Variants in PREPL observed in about 807,000 individuals in gnomAD.
PREPL encodes the protein prolyl endopeptidase like.
PREPL carries 77 observed loss-of-function variants against 70.6 expected under a neutral mutation model. That is an observed-to-expected ratio of 1.09 (90% CI 0.91 to 1.32). The LOEUF (loss-of-function observed/expected upper bound fraction) is 1.32. PREPL is among the 40% of genes most tolerant of loss of function. The pLI, the probability that PREPL is intolerant of heterozygous loss-of-function variation, is 0.00. For synonymous variants in PREPL, 315 were observed against 264.8 expected, an observed-to-expected ratio of 1.19 and a Z score of -1.84; for missense variants, 1,002 against 778.2, an observed-to-expected ratio of 1.29 and a Z score of -3.42.
chr2:44,345,316 G>A (rs1206874276), intron 2 of PREPL, among the ~76,000 whole-genome samples: 1 of 151,624 alleles, frequency 6.6e-6, no homozygotes, highest in Non-Finnish European at 1.5e-5. Flanking sequence ...CACCTATTGC[G>A]GTTCAATTTT....
At chr2:44,329,962 T>C (rs534760137) in intron 8 of PREPL, among the ~76,000 whole-genome samples, 74 of 152,306 alleles carry the variant, frequency 4.9e-4, no homozygotes, top group African/African-American at 1.7e-3. Context: ...TCCAAGTCAC[T>C]CTTCATATTT....
At chr2:44,325,773 A>C (rs968307178) in intron 10 of PREPL, among the ~76,000 whole-genome samples, 1 of 152,162 alleles carries the variant, frequency 6.6e-6, no homozygotes, top group Non-Finnish European at 1.5e-5. Context: ...CCCCAACCTC[A>C]AAATAAAAAA....
chr2:44,337,667 C>CTA (rs1674773745), intron 7 of PREPL, among the ~76,000 whole-genome samples: 2 of 152,290 alleles, frequency 1.3e-5, no homozygotes, highest in South Asian at 4.1e-4. Flanking sequence ...CCTCAACTCA[C>CTA]ATGTTAATGC....
chr2:44,346,934 CT>C (rs947773853), intron 1 of PREPL, among the ~76,000 whole-genome samples: 3 of 152,188 alleles, frequency 2.0e-5, no homozygotes, highest in Non-Finnish European at 2.9e-5. Context: ...TAATTTTTTA[CT>C]TTTTAAATTT....
At chr2:44,349,451 A>G (rs1676169230) in intron 1 of PREPL, among the ~76,000 whole-genome samples, 1 of 152,220 alleles carries the variant, frequency 6.6e-6, no homozygotes, top group South Asian at 2.1e-4. Flanking sequence ...TAAATAATAC[A>G]TTGAAAAAAC....
chr2:44,335,800 G>T (rs2103879625), intron 7 of PREPL, among the ~76,000 whole-genome samples: 1 of 151,162 alleles, frequency 6.6e-6, no homozygotes, highest in South Asian at 2.1e-4. Context: ...ATCTGACAAA[G>T]ATCTAGTATC....
intron 1 of PREPL, chr2:44,359,678 T>C: frequency 6.2e-7 from 1 of 1,613,274 alleles, no homozygotes; most frequent in East Asian, 2.2e-5. Flanking sequence ...AATACTATAC[T>C]TCAAAGCTTG....
At chr2:44,336,383 C>T (rs1674641648) in intron 7 of PREPL, among the ~76,000 whole-genome samples, 1 of 152,096 alleles carries the variant, frequency 6.6e-6, no homozygotes, top group Admixed American at 6.5e-5. Context: ...ATGTTCTTTG[C>T]AGCAACATGG....
Position 44,320,240 on chromosome 2 carries a change from A to G in PREPL, c.*1116T>C, listed in dbSNP as rs1251194565. On this transcript the variant is annotated 3_prime_UTR_variant, in exon 14 of 14. Transcript: ENST00000409411. ...CCAGATCGGCTTTGAAGTTATATCAAGATTTAAGTCTACTTCATGCCAATG... is the reference window on the plus strand; with the variant it reads ...CCAGATCGGCTTTGAAGTTATATCAGGATTTAAGTCTACTTCATGCCAATG... The G allele has an allele frequency of 1.9e-6, 3 of 1,613,940 alleles. No homozygotes were observed. Among genetic ancestry groups the G allele is most frequent in the African/African-American group, 2.7e-5 (2 of 74,940 alleles).
intron 1 of PREPL, chr2:44,360,617 A>C (rs971515484): frequency 4.6e-5 from 7 of 152,136 alleles, no homozygotes; most frequent in Non-Finnish European, 1.0e-4. Context: ...AGTCAGAGAG[A>C]CCTGGGTTGA....
In PREPL at chr2:44,320,445, T is replaced by A. The variant is rs1044014948; in HGVS notation, c.*911A>T. 1.9e-6 allele frequency: 3 copies of A among 1,614,014 alleles called. No individual in the cohort carries two copies. The highest frequency in any genetic ancestry group is 2.7e-5 in the African/African-American group (2 of 74,930). On this transcript the variant is annotated 3_prime_UTR_variant, in exon 14 of 14. Transcript: ENST00000409411. ...CCTTCCCGCTAAAATGAGAATAAGG[T>A]TAAGTACCAATTCTGCCGACAAAGG...
In PREPL at chr2:44,343,793, T is replaced by C. The variant is rs779895293; in HGVS notation, c.301A>G (p.Ser101Gly). 1.9e-6 allele frequency: 3 copies of C among 1,614,028 alleles called. No homozygotes were observed. Among genetic ancestry groups the C allele is most frequent in the Non-Finnish European group, 2.5e-6 (3 of 1,179,886 alleles). ...GAAGCTTCCATTACGGGCTGATCGC[T>C]GAGCTTTATAATTACACAGGTAGAT... ...EASTCVIIKL[S>G]DQPVMEASFP... The change falls in exon 4 of 14, where the codon AGC becomes GGC. Residue 101 changes from serine (S) to glycine (G), a missense_variant. Physicochemically the swap from Ser to Gly is moderately conservative, Grantham distance 56. Transcript: ENST00000409411.
intron 7 of PREPL, among the ~76,000 whole-genome samples, chr2:44,335,273 A>AC (rs1272783913): frequency 6.6e-6 from 1 of 152,244 alleles, no homozygotes; most frequent in Non-Finnish European, 1.5e-5. Flanking sequence ...TACAAAAAAT[A>AC]TAAAAGGTCA....
rs376256364 is a variant in PREPL, at chr2:44,320,417, G to C, written c.*939C>G. 4.3e-6 allele frequency: 7 copies of C among 1,613,942 alleles called. No individual in the cohort carries two copies. In the Admixed American group the frequency reaches 5.0e-5, roughly 12 times the overall value. On this transcript the variant is annotated 3_prime_UTR_variant, in exon 14 of 14. Coordinates refer to ENST00000409411, the MANE Select transcript of PREPL (RefSeq NM_001171613.2). ...TGTTAAATCTACATAATATGATTTCGGGCCTTCCCGCTAAAATGAGAATAA... is the reference window on the plus strand; with the variant it reads ...TGTTAAATCTACATAATATGATTTCCGGCCTTCCCGCTAAAATGAGAATAA...
chr2:44,347,252 C>T (rs937385921), intron 1 of PREPL: 1 of 152,220 alleles, frequency 6.6e-6, no homozygotes, highest in Non-Finnish European at 1.5e-5. Flanking sequence ...GGAGGGATCA[C>T]CTGAGCCCAG....
Position 44,317,827 on chromosome 2 carries a change from AAAT to A in PREPL, c.*3526_*3528del, listed in dbSNP as rs1215577445. On this transcript the variant is annotated 3_prime_UTR_variant, in exon 14 of 14. Transcript: ENST00000409411. ...AAAATAGGGCTTCCGAATTATGTCT[AAAT>A]AATACAATAATTACAAATATGAATG... The A allele has an allele frequency of 6.0e-6, 1 of 167,786 alleles. No homozygotes were observed. Among genetic ancestry groups the A allele is most frequent in the Non-Finnish European group, 1.3e-5 (1 of 77,282 alleles). The allele number at this position is 167,786 out of a possible 1,614,324, so 10.4% of individuals were successfully genotyped here. A position where few individuals can be genotyped will look rare whatever the true frequency, so the allele number is the denominator to read the frequency against.
intron 1 of PREPL, among the ~76,000 whole-genome samples, chr2:44,359,111 C>A (rs1458100402): frequency 6.9e-6 from 1 of 144,918 alleles, no homozygotes; most frequent in African/African-American, 2.6e-5. Flanking sequence ...CCCTGTCACC[C>A]AGGCTGGAGT....
In PREPL at chr2:44,332,555, T is replaced by C. The variant is rs1252859986; in HGVS notation, c.990A>G (p.Thr330=). ...ACAGTTTGCCTTCTGCAAACTTGTA[T>C]GTGTAATATTTTGGGGGACGTATTG... The part of the protein sequence containing the change: ...CSPIRPPKYY[T]YKFAEGKLFE... Residue 330 remains threonine, a synonymous_variant, in exon 8 of 14, where the codon ACA becomes ACG. Transcript: ENST00000409411. 2 of 1,613,678 alleles carry C rather than the reference T, an allele frequency of 1.2e-6. No individual in the cohort carries two copies. The highest frequency in any genetic ancestry group is 1.3e-5 in the African/African-American group (1 of 74,926).
rs1672748751 is a variant in PREPL at position 44,319,581 on chromosome 2, A to G, written c.*1775T>C. 1 of 152,606 alleles carries G rather than the reference A, an allele frequency of 6.6e-6. No homozygotes were observed. Among genetic ancestry groups the G allele is most frequent in the South Asian group, 2.1e-4 (1 of 4,842 alleles). The allele number at this position is 152,606 out of a possible 1,614,324, so 9.5% of individuals were successfully genotyped here. Reference sequence around the variant, plus strand: ...ATCAAATTATGTTTTATATAGCTGTAAAATAAACCCAAATCATCTTTAATG... The same window carrying G: ...ATCAAATTATGTTTTATATAGCTGTGAAATAAACCCAAATCATCTTTAATG... On this transcript the variant is annotated 3_prime_UTR_variant, in exon 14 of 14. Transcript: ENST00000409411.
Sources: gnomAD v4.1 joint callset for allele counts (sites outside exome capture counted in the v4.1 genomes callset) on GRCh38, gnomAD v4.1.1 for gene constraint, MANE v1.5 for transcripts, NCBI Gene and HGNC (gene_info 2026-07-23, HGNC 2026-07-21) for gene names.